MARCHF11: variants seen among roughly 807,000 people sequenced by gnomAD.
MARCHF11 encodes the protein membrane associated ring-CH-type finger 11, also known as E3 ubiquitin-protein ligase MARCHF11.
Under a neutral mutation model 37.3 loss-of-function variants are expected in MARCHF11, and 29 were observed. That is an observed-to-expected ratio of 0.78 (90% CI 0.58 to 1.06). MARCHF11 has a LOEUF of 1.06. MARCHF11 is among the 50% of genes least tolerant of loss of function. The probability of loss-of-function intolerance (pLI) is 0.00; values close to 1 mark genes in which losing one functional copy is unlikely to be tolerated. For synonymous variants in MARCHF11, 233 were observed against 228.0 expected (o/e 1.02, Z -0.20); for missense variants, 482 against 533.4 (o/e 0.90, Z 0.95).
chr5:16,138,220 G>A (rs1005770508), intron 2 of MARCHF11, among the ~76,000 whole-genome samples: 9 of 152,120 alleles, frequency 5.9e-5, no homozygotes, highest in South Asian at 2.1e-4. Context: ...TTACATCAGC[G>A]GAGCTCAGGG....
chr5:16,172,190 A>G (rs571861491), intron 2 of MARCHF11, among the ~76,000 whole-genome samples: 42 of 152,336 alleles, frequency 2.8e-4, no homozygotes, highest in African/African-American at 9.4e-4. Context: ...TTATAGTAGT[A>G]TACAAAGTAA....
chr5:16,102,816 C>T (rs1233716010), intron 2 of MARCHF11, among the ~76,000 whole-genome samples: 1 of 152,170 alleles, frequency 6.6e-6, no homozygotes, highest in African/African-American at 2.4e-5. Flanking sequence ...GGGGTTTGTT[C>T]CTGCCAGGAC....
chr5:16,169,969 C>G (rs1480936170), intron 2 of MARCHF11, among the ~76,000 whole-genome samples: 2 of 152,090 alleles, frequency 1.3e-5, no homozygotes, highest in Non-Finnish European at 2.9e-5. Context: ...CAGCTACATG[C>G]CAAGGCAACG....
intron 3 of MARCHF11, among the ~76,000 whole-genome samples, chr5:16,087,733 T>C (rs923253148): frequency 4.6e-5 from 7 of 152,060 alleles, no homozygotes; most frequent in African/African-American, 1.7e-4. Flanking sequence ...AAAAAAAAAC[T>C]AAATATTGGG....
At chr5:16,072,751 T>G (rs1736460342) in intron 3 of MARCHF11, among the ~76,000 whole-genome samples, 1 of 152,110 alleles carries the variant, frequency 6.6e-6, no homozygotes, top group African/African-American at 2.4e-5. Context: ...ATCAGGGGCT[T>G]GCATTTCCTG....
rs1323052587 is a variant in MARCHF11 at position 16,069,849 on chromosome 5, T to C, written c.887-2056A>G. On this transcript the variant is annotated intron_variant, in intron 3 of 3. Coordinates refer to ENST00000332432, the MANE Select transcript of MARCHF11 (RefSeq NM_001102562.3). The stretch of plus-strand genomic sequence containing the variant: ...CAGATAAAACAATGCCAGGTGGTGA[T>C]ACAGCTACCCAGTCCTTGAAAAATG... Among the ~76,000 whole-genome samples, 9 of 152,288 alleles carry C rather than the reference T, an allele frequency of 5.9e-5. No individual in the cohort carries two copies. The East Asian group carries it at 1.5e-3, about 26-fold the overall frequency.
At chr5:16,178,623 T>C (rs1045310103) in intron 1 of MARCHF11, among the ~76,000 whole-genome samples, 1 of 152,238 alleles carries the variant, frequency 6.6e-6, no homozygotes, top group Admixed American at 6.5e-5. Flanking sequence ...GGAAAGACTC[T>C]GCCCTTTCTG....
chr5:16,178,950 G>A (rs969161854), intron 1 of MARCHF11, 89 bp downstream of exon 1: 2 of 1,323,944 alleles, frequency 1.5e-6, no homozygotes, highest in African/African-American at 1.5e-5. Context: ...CAAACTGGGA[G>A]GTAGGCGTGC....
At chr5:16,160,247 TATA>T (rs961463341) in intron 2 of MARCHF11, among the ~76,000 whole-genome samples, 1 of 145,608 alleles carries the variant, frequency 6.9e-6, no homozygotes, top group African/African-American at 2.5e-5. Flanking sequence ...TTATATCTTT[TATA>T]ATTTTATATT....
intron 2 of MARCHF11, among the ~76,000 whole-genome samples, chr5:16,114,475 C>T (rs1435945169): frequency 1.3e-5 from 2 of 152,120 alleles, no homozygotes; most frequent in South Asian, 2.1e-4. Flanking sequence ...AGGTAAATTG[C>T]CAACATGTCC....
intron 2 of MARCHF11, among the ~76,000 whole-genome samples, chr5:16,168,920 T>C (rs950830340): frequency 2.0e-5 from 3 of 152,042 alleles, no homozygotes; most frequent in African/African-American, 7.2e-5. Flanking sequence ...AAATATAACA[T>C]AGGAAACAAG....
intron 2 of MARCHF11, among the ~76,000 whole-genome samples, chr5:16,093,743 A>C (rs1467823288): frequency 6.6e-6 from 1 of 152,228 alleles, no homozygotes; most frequent in African/African-American, 2.4e-5. Flanking sequence ...AATGTGTTTA[A>C]GATTATGTCC....
chr5:16,108,139 C>T (rs1737075712), intron 2 of MARCHF11, among the ~76,000 whole-genome samples: 1 of 152,208 alleles, frequency 6.6e-6, no homozygotes, highest in Non-Finnish European at 1.5e-5. Flanking sequence ...TGAAAGAGCA[C>T]ACTGTAACAT....
intron 2 of MARCHF11, among the ~76,000 whole-genome samples, chr5:16,135,597 C>T (rs1007775245): frequency 6.6e-6 from 1 of 151,978 alleles, no homozygotes; most frequent in African/African-American, 2.4e-5. Context: ...GATCATGTAG[C>T]TCAAGAAGAA....
chr5:16,114,639 T>A (rs543699003), intron 2 of MARCHF11, among the ~76,000 whole-genome samples: 3 of 151,560 alleles, frequency 2.0e-5, no homozygotes, highest in Non-Finnish European at 4.4e-5. Context: ...GTAACAAGGG[T>A]TGATATTCTT....
At position 16,132,300 on chromosome 5, in the gene MARCHF11, T is replaced by G. The variant is rs1737529872; in HGVS notation, c.694-41219A>C. 2.6e-5 allele frequency among the ~76,000 whole-genome samples: 4 copies of G among 152,202 alleles called. No homozygotes were observed. In the South Asian group the frequency reaches 8.3e-4, roughly 32 times the overall value. On this transcript the variant is annotated intron_variant, in intron 2 of 3. Coordinates refer to ENST00000332432, the MANE Select transcript of MARCHF11 (RefSeq NM_001102562.3). ...AGTGGCCAGCTGGCTATGTTCCTTT[T>G]CGTCTGATCTCATCAACCTTCAGGC...
At chr5:16,169,498 C>A (rs1287366961) in intron 2 of MARCHF11, among the ~76,000 whole-genome samples, 1 of 152,106 alleles carries the variant, frequency 6.6e-6, no homozygotes, top group Non-Finnish European at 1.5e-5. Context: ...AAGCATTCCA[C>A]TCCTAAGGGA....
intron 3 of MARCHF11, among the ~76,000 whole-genome samples, chr5:16,081,220 T>G (rs1183143376): frequency 6.6e-6 from 1 of 152,222 alleles, no homozygotes; most frequent in African/African-American, 2.4e-5. Context: ...GGCTGTCTCC[T>G]CTTCCTCAGG....
At chr5:16,086,214 C>A in intron 3 of MARCHF11, among the ~76,000 whole-genome samples, 1 of 152,074 alleles carries the variant, frequency 6.6e-6, no homozygotes. Context: ...ACAGTATGAT[C>A]TCACTTATAA....
Sources: allele counts gnomAD v4.1 joint callset (sites outside exome capture counted in the v4.1 genomes callset), GRCh38; gene constraint gnomAD v4.1.1; transcripts MANE v1.5; gene names NCBI Gene and HGNC (gene_info 2026-07-23, HGNC 2026-07-21).